Variants in CDH18 observed in about 807,000 individuals in gnomAD.
CDH18 encodes the protein cadherin 18.
Under a neutral mutation model 67.9 loss-of-function variants are expected in CDH18, and 31 were observed. That is an observed-to-expected ratio of 0.46 (90% CI 0.34 to 0.62). The LOEUF is 0.62. Among genes scored for constraint, CDH18 ranks in the 20% least tolerant of loss-of-function variants. CDH18 has a pLI of 0.01. For synonymous variants in CDH18, 362 were observed against 347.2 expected (o/e 1.04, Z -0.48); for missense variants, 890 against 975.5 (o/e 0.91, Z 1.17).
chr5:19,772,761 A>C (rs1773869374), intron 3 of CDH18, among the ~76,000 whole-genome samples: 1 of 152,222 alleles, frequency 6.6e-6, no homozygotes, highest in Non-Finnish European at 1.5e-5. Context: ...TAAGTAATAG[A>C]ATGTAGATTT....
intron 1 of CDH18, among the ~76,000 whole-genome samples, chr5:20,381,918 A>C (rs1743935982): frequency 6.6e-6 from 1 of 152,096 alleles, no homozygotes; most frequent in Admixed American, 6.6e-5. Context: ...GGACATTTAT[A>C]CTATAAATAT....
chr5:19,793,080 T>G (rs182742386), intron 3 of CDH18, among the ~76,000 whole-genome samples: 1 of 152,190 alleles, frequency 6.6e-6, no homozygotes, highest in East Asian at 1.9e-4. Context: ...GAGCTAATAC[T>G]CCTCCTCCTC....
intron 7 of CDH18, among the ~76,000 whole-genome samples, chr5:19,579,937 T>A (rs1004882849): frequency 1.3e-5 from 2 of 151,736 alleles, no homozygotes; most frequent in East Asian, 1.9e-4. Flanking sequence ...TGTTTCTAAA[T>A]ACAGAATTTT....
At chr5:19,679,212 A>G (rs978314523) in intron 5 of CDH18, among the ~76,000 whole-genome samples, 1 of 152,060 alleles carries the variant, frequency 6.6e-6, no homozygotes, top group African/African-American at 2.4e-5. Flanking sequence ...CCACATGATC[A>G]TCTCAATAGA....
chr5:19,762,435 G>A (rs2149708795), intron 3 of CDH18, among the ~76,000 whole-genome samples: 1 of 152,194 alleles, frequency 6.6e-6, no homozygotes, highest in African/African-American at 2.4e-5. Flanking sequence ...TGGGCAAAGT[G>A]TATGAACAGA....
intron 5 of CDH18, among the ~76,000 whole-genome samples, chr5:19,664,122 T>C (rs1757584910): frequency 1.3e-5 from 2 of 151,940 alleles, no homozygotes; most frequent in South Asian, 2.1e-4. Flanking sequence ...TAATATAACA[T>C]GAAATCTTCA....
rs538063928 is a variant in CDH18 at position 19,509,116 on chromosome 5, T to A, written c.1513-6007A>T. On this transcript the variant is annotated intron_variant, in intron 10 of 12. Transcript: ENST00000382275. ...ACCCCTGGCCTCAAGTGATCTGCCC[T>A]CCTTGGCCTCCCAAAATACTGGGAT... Among the ~76,000 whole-genome samples the A allele has an allele frequency of 2.0e-5, 3 of 152,138 alleles. No individual in the cohort carries two copies. In the South Asian group the frequency reaches 6.2e-4, roughly 32 times the overall value.
intron 5 of CDH18, among the ~76,000 whole-genome samples, chr5:19,718,418 C>G (rs188715295): frequency 6.6e-6 from 1 of 152,106 alleles, no homozygotes; most frequent in Admixed American, 6.6e-5. Context: ...TGCCATCCAA[C>G]TTAACTGATT....
intron 9 of CDH18, among the ~76,000 whole-genome samples, chr5:19,538,266 A>C (rs1749719177): frequency 6.6e-6 from 1 of 152,198 alleles, no homozygotes; most frequent in African/African-American, 2.4e-5. Flanking sequence ...AGTTGAGCCC[A>C]CCTGGACTTC....
chr5:20,512,603 G>A lies in CDH18; in HGVS notation c.-580+62859C>T, dbSNP rs140895751. Among the ~76,000 whole-genome samples the A allele has an allele frequency of 2.8e-4, 43 of 152,106 alleles. 2 individuals carry two copies. The highest frequency in any genetic ancestry group is 7.7e-4 in the African/African-American group (32 of 41,492). On this transcript the variant is annotated intron_variant, in intron 1 of 14. Coordinates refer to the CDH18 transcript ENST00000507958. ...CAAAGCTAAAAACTTGACTCAGCTG[G>A]CTGAGTGTGGTGGGTCACGCCTATA...
intron 2 of CDH18, among the ~76,000 whole-genome samples, chr5:20,156,583 C>T (rs1161960269): frequency 2.0e-5 from 3 of 151,946 alleles, no homozygotes; most frequent in African/African-American, 7.3e-5. Flanking sequence ...GAAGGTGGGG[C>T]AGGGGGAGAG....
intron 1 of CDH18, among the ~76,000 whole-genome samples, chr5:20,272,641 T>A (rs1002109961): frequency 5.3e-5 from 8 of 152,040 alleles, no homozygotes; most frequent in Admixed American, 4.6e-4. Context: ...AAACTGAAGC[T>A]AAATGTAAAA....
chr5:20,006,335 A>T (rs990493907), intron 2 of CDH18, among the ~76,000 whole-genome samples: 2 of 151,958 alleles, frequency 1.3e-5, no homozygotes, highest in African/African-American at 4.8e-5. Flanking sequence ...TTCACACGTT[A>T]TGAGAATAAT....
chr5:20,494,323 G>A (rs1202940374), intron 1 of CDH18, among the ~76,000 whole-genome samples: 1 of 152,130 alleles, frequency 6.6e-6, no homozygotes, highest in African/African-American at 2.4e-5. Context: ...TAAAGGCAGA[G>A]AGGGATAAGA....
chr5:20,368,602 A>T (rs1256357978), intron 1 of CDH18, among the ~76,000 whole-genome samples: 1 of 152,198 alleles, frequency 6.6e-6, no homozygotes, highest in Non-Finnish European at 1.5e-5. Flanking sequence ...TGAAGAAAAA[A>T]GTACCCTTTT....
intron 2 of CDH18, among the ~76,000 whole-genome samples, chr5:20,214,916 T>C (rs1254856591): frequency 2.6e-5 from 4 of 151,966 alleles, no homozygotes; most frequent in African/African-American, 4.8e-5. Context: ...ACCTACAAAA[T>C]AAGAGAAAAT....
intron 9 of CDH18, among the ~76,000 whole-genome samples, chr5:19,543,448 C>A (rs1735754276): frequency 6.6e-6 from 1 of 152,044 alleles, no homozygotes; most frequent in African/African-American, 2.4e-5. Flanking sequence ...GAAACTTGAG[C>A]AGAGGTATTA....
intron 2 of CDH18, among the ~76,000 whole-genome samples, chr5:20,244,587 ATAACT>A (rs1418437400): frequency 1.3e-5 from 2 of 152,270 alleles, no homozygotes; most frequent in South Asian, 2.1e-4. Context: ...AATTTAAGTA[ATAACT>A]TAAGCCTAAA....
intron 2 of CDH18, among the ~76,000 whole-genome samples, chr5:19,889,913 A>G (rs1027279411): frequency 6.6e-6 from 1 of 152,188 alleles, no homozygotes; most frequent in Non-Finnish European, 1.5e-5. Context: ...TACACATGAG[A>G]AAAATCTTGC....
Sources: gnomAD v4.1 joint callset for allele counts (sites outside exome capture counted in the v4.1 genomes callset) on GRCh38, gnomAD v4.1.1 for gene constraint, MANE v1.5 for transcripts, NCBI Gene and HGNC (gene_info 2026-07-23, HGNC 2026-07-21) for gene names.